ZCCHC17: variants seen among roughly 807,000 people sequenced by gnomAD.
ZCCHC17 encodes zinc finger CCHC domain-containing protein 17.
Under a neutral mutation model 30.6 loss-of-function variants are expected in ZCCHC17, and 18 were observed. The observed-to-expected ratio is 0.59, with a 90% CI of 0.41 to 0.87. The LOEUF is 0.87. Ranked by LOEUF, ZCCHC17 falls within the 40% of genes least tolerant of loss-of-function variation. The pLI is 0.00. For synonymous variants in ZCCHC17, 88 were observed against 92.4 expected, an observed-to-expected ratio of 0.95 and a Z score of 0.27; for missense variants, 263 against 284.2, an observed-to-expected ratio of 0.93 and a Z score of 0.54.
In ZCCHC17 at chr1:31,354,296, T is replaced by C. The variant is rs1458776525; in HGVS notation, c.564+5322T>C. Among the ~76,000 whole-genome samples the C allele has an allele frequency of 2.0e-5, 3 of 152,254 alleles. No homozygotes were observed. In the East Asian group the frequency reaches 5.8e-4, roughly 29 times the overall value. On this transcript the variant is annotated intron_variant, in intron 7 of 7. Transcript: ENST00000344147. ...CATGTTCGTTTTGTATTCTGCAACT[T>C]TGCTAAATTCACTTACTCGTTCTAA... is the stretch of plus-strand genomic sequence containing the variant.
At chr1:31,318,218 T>C (rs1031875608) in intron 2 of ZCCHC17, 4 of 1,535,014 alleles carry the variant, frequency 2.6e-6, no homozygotes, top group Non-Finnish European at 3.5e-6. Context: ...TTGAAGACAC[T>C]GAAAAGAATA....
At position 31,307,354 on chromosome 1, in the gene ZCCHC17, G is replaced by A. The variant is rs373032072; in HGVS notation, c.-55-2690G>A. Among the ~76,000 whole-genome samples the A allele has an allele frequency of 2.0e-5, 3 of 151,718 alleles. No individual in the cohort carries two copies. The East Asian group carries it at 5.8e-4, about 29-fold the overall frequency. On this transcript the variant is annotated intron_variant, in intron 1 of 7. Coordinates refer to ENST00000344147, the MANE Select transcript of ZCCHC17 (RefSeq NM_016505.4). ...CTGGGAGCATTAAACCTAGCTTTTT[G>A]TATGCTTATCACAGCAGAAGTCTGT...
intron 7 of ZCCHC17, among the ~76,000 whole-genome samples, chr1:31,359,599 T>C (rs1053648051): frequency 1.3e-5 from 2 of 152,070 alleles, no homozygotes; most frequent in African/African-American, 4.8e-5. Context: ...CTTTTTTCAG[T>C]TTTTGCTTTT....
rs116059740 is a variant in ZCCHC17 at position 31,308,109 on chromosome 1, C to T, written c.-55-1935C>T. ...ACAGGCTAGAGATGAGATTGTATTG[C>T]TATGAAATGGAAGAGGCAGGATTTA... On this transcript the variant is annotated intron_variant, in intron 1 of 7. Transcript: ENST00000344147. Among the ~76,000 whole-genome samples, 552 of 152,254 alleles carry T rather than the reference C, an allele frequency of 3.6e-3. 5 individuals carry two copies. The highest frequency in any genetic ancestry group is 0.013 in the African/African-American group (536 of 41,534).
intron 5 of ZCCHC17, among the ~76,000 whole-genome samples, chr1:31,345,014 A>T: frequency 6.9e-6 from 1 of 145,230 alleles, no homozygotes; most frequent in Middle Eastern, 3.6e-3. Flanking sequence ...ACAAGCCACC[A>T]TGCCTGGCTA....
At chr1:31,333,011 G>GT (rs929054017) in intron 3 of ZCCHC17, 16 of 152,052 alleles carry the variant, frequency 1.1e-4, no homozygotes, top group Non-Finnish European at 1.8e-4. Context: ...AAAATGTGTA[G>GT]TTTTTTGCAC....
rs1639369519 is a variant in ZCCHC17, at chr1:31,348,910, A to G, written c.500A>G (p.Glu167Gly). The change falls in exon 7 of 8, where the codon GAG becomes GGG. Residue 167 changes from glutamate to glycine, a missense_variant. Coordinates refer to ENST00000344147, the MANE Select transcript of ZCCHC17 (RefSeq NM_016505.4). Reference protein sequence around the residue: ...LIPDEEEEKEEAKSAEFEKPD... With the variant: ...LIPDEEEEKEGAKSAEFEKPD... ...CCTGATGAGGAAGAGGAAAAGGAAG[A>G]GGCAAAGTCAGCAGAGTTTGAGAAG... is the stretch of plus-strand genomic sequence containing the variant. The G allele has an allele frequency of 1.1e-5, 18 of 1,613,416 alleles. No individual in the cohort carries two copies. The highest frequency in any genetic ancestry group is 1.5e-5 in the Non-Finnish European group (18 of 1,179,880).
intron 1 of ZCCHC17, among the ~76,000 whole-genome samples, chr1:31,301,171 G>C (rs182040672): frequency 3.4e-4 from 52 of 152,264 alleles, no homozygotes; most frequent in Non-Finnish European, 1.5e-5. Flanking sequence ...TTTAAATGGG[G>C]TAAAATTAAA....
chr1:31,344,828 C>G (rs1639179898), intron 5 of ZCCHC17, among the ~76,000 whole-genome samples: 1 of 151,224 alleles, frequency 6.6e-6, no homozygotes, highest in Non-Finnish European at 1.5e-5. Context: ...GAGTTATGTC[C>G]TCAAGTTTCT....
chr1:31,312,818 G>A (rs1387128344), intron 2 of ZCCHC17, among the ~76,000 whole-genome samples: 1 of 152,102 alleles, frequency 6.6e-6, no homozygotes, highest in African/African-American at 2.4e-5. Flanking sequence ...GGAGTGCAAT[G>A]GTGTGATCTC....
At chr1:31,361,320 C>T (rs774039177) in intron 7 of ZCCHC17, among the ~76,000 whole-genome samples, 3 of 152,210 alleles carry the variant, frequency 2.0e-5, no homozygotes, top group Non-Finnish European at 4.4e-5. Flanking sequence ...GCTGTCAGAA[C>T]ATCCTGGGAG....
intron 2 of ZCCHC17, chr1:31,318,381 T>C: frequency 1.5e-6 from 1 of 667,920 alleles, no homozygotes; most frequent in South Asian, 2.0e-5. Context: ...GTTAATGATT[T>C]ATCTGGCAAG....
chr1:31,344,183 G>A (rs371064242), intron 5 of ZCCHC17, among the ~76,000 whole-genome samples: 9 of 151,650 alleles, frequency 5.9e-5, no homozygotes, highest in East Asian at 1.9e-4. Flanking sequence ...TAGAGATGAC[G>A]TCTTGCTGTG....
chr1:31,310,300 T>G (rs1646569793), intron 2 of ZCCHC17, 136 bp downstream of exon 2: 2 of 754,676 alleles, frequency 2.7e-6, no homozygotes, highest in African/African-American at 3.6e-5. Context: ...GCGGAACATC[T>G]GGCAATCACA....
intron 7 of ZCCHC17, among the ~76,000 whole-genome samples, chr1:31,351,799 G>A (rs1037736093): frequency 6.6e-6 from 1 of 152,084 alleles, no homozygotes; most frequent in African/African-American, 2.4e-5. Context: ...GTTCATTGTT[G>A]ATTTCTCACC....
intron 5 of ZCCHC17, among the ~76,000 whole-genome samples, chr1:31,344,579 AT>A (rs1036520389): frequency 6.6e-6 from 1 of 152,228 alleles, no homozygotes; most frequent in African/African-American, 2.4e-5. Flanking sequence ...TAGATGAAAC[AT>A]GATGGGAGCC....
intron 5 of ZCCHC17, among the ~76,000 whole-genome samples, chr1:31,345,464 C>G (rs1639211673): frequency 7.5e-6 from 1 of 132,810 alleles, no homozygotes; most frequent in Non-Finnish European, 1.6e-5. Context: ...CCTTAATGTT[C>G]TGTTTTTTGA....
At chr1:31,363,323 A>G (rs1639996333) in intron 7 of ZCCHC17, among the ~76,000 whole-genome samples, 1 of 151,874 alleles carries the variant, frequency 6.6e-6, no homozygotes, top group African/African-American at 2.4e-5. Context: ...AGCTGGGACT[A>G]CAAGCACCTG....
rs541589160 is a variant in ZCCHC17 at position 31,323,744 on chromosome 1, C to G, written c.124+4578C>G. ...AAATGATTTAAAACACTCCTAAAAT[C>G]TTTGAGATTAATAAATATTTTAAAA... On this transcript the variant is annotated intron_variant, in intron 3 of 7. Coordinates refer to ENST00000344147, the MANE Select transcript of ZCCHC17 (RefSeq NM_016505.4). 2.0e-5 allele frequency among the ~76,000 whole-genome samples: 3 copies of G among 152,264 alleles called. No homozygotes were observed. The East Asian group carries it at 5.8e-4, about 29-fold the overall frequency.
Sources: gnomAD v4.1 joint callset for allele counts (sites outside exome capture counted in the v4.1 genomes callset) on GRCh38, gnomAD v4.1.1 for gene constraint, MANE v1.5 for transcripts, NCBI Gene and HGNC (gene_info 2026-07-23, HGNC 2026-07-21) for gene names.